LPP: variants seen among roughly 807,000 people sequenced by gnomAD.
The protein encoded by LPP is LIM domain containing preferred translocation partner in lipoma, also known as lipoma-preferred partner.
LPP carries 38 observed loss-of-function variants against 60.4 expected under a neutral mutation model. The observed-to-expected ratio is 0.63, with a 90% confidence interval of 0.49 to 0.83. The LOEUF is 0.83. Among genes scored for constraint, LPP ranks in the 40% least tolerant of loss-of-function variants. The pLI, the probability that LPP is intolerant of heterozygous loss-of-function variation, is 0.00. For missense variants in LPP, 902 were observed against 783.6 expected (o/e 1.15, Z -1.80); for synonymous variants, 328 against 290.8 (o/e 1.13, Z -1.30).
intron 3 of LPP, among the ~76,000 whole-genome samples, chr3:188,368,743 G>C (rs1477242726): frequency 6.8e-6 from 1 of 146,892 alleles, no homozygotes; most frequent in Non-Finnish European, 1.5e-5. Context: ...GAGAGAGAGA[G>C]AGAGAACAGA....
At chr3:188,208,874 G>A (rs1457259903) in intron 1 of LPP, among the ~76,000 whole-genome samples, 1 of 152,096 alleles carries the variant, frequency 6.6e-6, no homozygotes, top group Non-Finnish European at 1.5e-5. Context: ...TTTGTCTTGC[G>A]AATGACCTCA....
At chr3:188,349,647 T>C (rs1303758086) in intron 3 of LPP, among the ~76,000 whole-genome samples, 1 of 152,212 alleles carries the variant, frequency 6.6e-6, no homozygotes, top group East Asian at 1.9e-4. Flanking sequence ...GCTCTTTCTT[T>C]CCAGATGCCT....
chr3:188,877,605 G>C lies in LPP; in HGVS notation c.*3126G>C, dbSNP rs1578113430. ...TCACACTTGTAATCCCAGCAATTTG[G>C]GAGGCTGAGACAGGAGGATTGCCTG... is the stretch of plus-strand genomic sequence containing the variant. On this transcript the variant is annotated 3_prime_UTR_variant, in exon 12 of 12. Transcript: ENST00000617246. 1 of 187,486 alleles carries C rather than the reference G, an allele frequency of 5.3e-6. No individual in the cohort carries two copies. Among genetic ancestry groups the C allele is most frequent in the African/African-American group, 2.3e-5 (1 of 42,750 alleles). The allele number at this position is 187,486 out of a possible 1,614,324, so 11.6% of individuals were successfully genotyped here. A position where few individuals can be genotyped will look rare whatever the true frequency, so the allele number is the denominator to read the frequency against.
At chr3:188,651,356 G>A (rs1852039233) in intron 7 of LPP, among the ~76,000 whole-genome samples, 1 of 152,164 alleles carries the variant, frequency 6.6e-6, no homozygotes, top group African/African-American at 2.4e-5. Context: ...AGTAGAGATG[G>A]CCTGGCTTTT....
At chr3:188,748,872 A>G (rs933584877) in intron 8 of LPP, among the ~76,000 whole-genome samples, 1 of 152,196 alleles carries the variant, frequency 6.6e-6, no homozygotes, top group Non-Finnish European at 1.5e-5. Context: ...ACCAACGTAT[A>G]AAGCAATCAT....
chr3:188,626,450 C>T (rs1846857084), intron 7 of LPP, among the ~76,000 whole-genome samples: 1 of 151,980 alleles, frequency 6.6e-6, no homozygotes, highest in African/African-American at 2.4e-5. Context: ...GAACTGATCC[C>T]CTGCAGATAT....
At chr3:188,176,940 G>A (rs1317352180) in intron 1 of LPP, among the ~76,000 whole-genome samples, 1 of 152,258 alleles carries the variant, frequency 6.6e-6, no homozygotes, top group African/African-American at 2.4e-5. Flanking sequence ...TGGCTGTGTA[G>A]TCTTGAACAA....
intron 2 of LPP, among the ~76,000 whole-genome samples, chr3:188,230,009 A>T (rs1434442022): frequency 6.6e-6 from 1 of 152,200 alleles, no homozygotes; most frequent in East Asian, 1.9e-4. Context: ...TATGTGAATT[A>T]GGCTTAGTCC....
rs35722501 is a variant in LPP at position 188,859,089 on chromosome 3, TAAAAAAAAAAAAAAA to T, written c.1411-7100_1411-7086del. ...AGGTGACAGAGTGAGACTCTGTCTT[TAAAAAAAAAAAAAAA>T]AAAAAAAAAAGGATGTTCATGTCTG... On this transcript the variant is annotated intron_variant, in intron 9 of 11. Transcript: ENST00000617246. Among the ~76,000 whole-genome samples the T allele has an allele frequency of 2.5e-4, 26 of 103,926 alleles. 1 individual carries two copies. The highest frequency in any genetic ancestry group is 9.8e-4 in the African/African-American group (25 of 25,456). 68.2% of individuals were successfully genotyped at this position (103,926 alleles called of 152,430 possible). A position where few individuals can be genotyped will look rare whatever the true frequency, so the allele number is the denominator to read the frequency against.
intron 3 of LPP, among the ~76,000 whole-genome samples, chr3:188,349,097 G>A (rs1009791059): frequency 1.3e-5 from 2 of 152,154 alleles, no homozygotes; most frequent in Non-Finnish European, 2.9e-5. Context: ...GGAATGCTGG[G>A]TTGTGGGTGA....
chr3:188,301,967 A>T (rs918714469), intron 2 of LPP, among the ~76,000 whole-genome samples: 1 of 145,082 alleles, frequency 6.9e-6, no homozygotes, highest in Non-Finnish European at 1.5e-5. Context: ...CAATTTACTG[A>T]CTTAAAAAAA....
chr3:188,796,574 T>A (rs946334946), intron 9 of LPP, among the ~76,000 whole-genome samples: 1 of 152,124 alleles, frequency 6.6e-6, no homozygotes. Context: ...TCAACATCTC[T>A]CCAACTCTCC....
chr3:188,684,202 A>G lies in LPP; in HGVS notation c.1114-24065A>G, dbSNP rs576243964. Among the ~76,000 whole-genome samples, 22 of 152,356 alleles carry G rather than the reference A, an allele frequency of 1.4e-4. 2 individuals are homozygous for G. Among genetic ancestry groups the G allele is most frequent in the African/African-American group, 5.1e-4 (21 of 41,584 alleles). On this transcript the variant is annotated intron_variant, in intron 7 of 11. Coordinates refer to ENST00000617246, the MANE Select transcript of LPP (RefSeq NM_001375462.1). ...ATTTTTAGACTTTTAAAAATTTGAA[A>G]TCAGCCTCTCAAGTTCCATTAGACA...
chr3:188,449,726 T>C (rs1796152253), intron 4 of LPP, among the ~76,000 whole-genome samples: 1 of 152,156 alleles, frequency 6.6e-6, no homozygotes, highest in African/African-American at 2.4e-5. Flanking sequence ...GATCTGATCT[T>C]ATTTCTTACT....
chr3:188,409,050 G>A (rs769173391), intron 4 of LPP, among the ~76,000 whole-genome samples: 1 of 152,142 alleles, frequency 6.6e-6, no homozygotes, highest in Non-Finnish European at 1.5e-5. Context: ...TAGTAGGAAT[G>A]GTTGCATATG....
chr3:188,632,157 C>G (rs2148537838), intron 7 of LPP, among the ~76,000 whole-genome samples: 1 of 152,266 alleles, frequency 6.6e-6, no homozygotes, highest in South Asian at 2.1e-4. Flanking sequence ...TTACCTCTGT[C>G]TTTTCCTCAA....
intron 8 of LPP, among the ~76,000 whole-genome samples, chr3:188,731,017 T>C (rs1238330442): frequency 6.6e-6 from 1 of 152,208 alleles, no homozygotes; most frequent in Non-Finnish European, 1.5e-5. Context: ...CCTCACATAC[T>C]CTTCCTATCT....
chr3:188,556,331 A>T (rs13088050), intron 6 of LPP, among the ~76,000 whole-genome samples: 5,370 of 152,018 alleles, frequency 0.035, 183 homozygotes, highest in Non-Finnish European at 0.047. Context: ...TGTGTGCTTC[A>T]GTTTTTTTTG....
intron 4 of LPP, among the ~76,000 whole-genome samples, chr3:188,484,129 A>G (rs1025190088): frequency 6.6e-6 from 1 of 152,198 alleles, no homozygotes; most frequent in Non-Finnish European, 1.5e-5. Context: ...ATGTTTCAGG[A>G]AAATTATATG....
Sources: allele counts gnomAD v4.1 joint callset (sites outside exome capture counted in the v4.1 genomes callset), GRCh38; gene constraint gnomAD v4.1.1; transcripts MANE v1.5; gene names NCBI Gene and HGNC (gene_info 2026-07-23, HGNC 2026-07-21).